Variants in KIF6 observed in about 807,000 individuals in gnomAD.
KIF6 encodes the protein kinesin-like protein KIF6.
A neutral mutation model predicts 112.7 loss-of-function variants in KIF6; 106 were observed. The ratio of observed to expected loss-of-function variants is 0.94; its 90% confidence interval spans 0.80 to 1.11. The LOEUF (loss-of-function observed/expected upper bound fraction) is 1.11. Ranked by LOEUF, KIF6 falls within the 50% of genes least tolerant of loss-of-function variation. KIF6 has a pLI of 0.00. For synonymous variants in KIF6, 339 were observed against 339.9 expected (o/e 1.00, Z 0.03); for missense variants, 929 against 964.0 (o/e 0.96, Z 0.48).
At chr6:39,465,150 A>C (rs946831624) in intron 13 of KIF6, among the ~76,000 whole-genome samples, 1 of 152,110 alleles carries the variant, frequency 6.6e-6, no homozygotes, top group Non-Finnish European at 1.5e-5. Context: ...GCGGGCGGGG[A>C]TATCATACCC....
chr6:39,648,729 G>A (rs1785307931), intron 3 of KIF6, among the ~76,000 whole-genome samples: 1 of 152,170 alleles, frequency 6.6e-6, no homozygotes, highest in South Asian at 2.1e-4. Flanking sequence ...CAGTCCATGC[G>A]AATGCCGGTG....
intron 15 of KIF6, among the ~76,000 whole-genome samples, chr6:39,393,668 A>G (rs1027908586): frequency 6.6e-6 from 1 of 152,200 alleles, no homozygotes; most frequent in Admixed American, 6.5e-5. Context: ...ATAATAACAA[A>G]GTGAAGATAA....
intron 10 of KIF6, among the ~76,000 whole-genome samples, chr6:39,571,290 C>T (rs1268543978): frequency 6.6e-6 from 1 of 152,070 alleles, no homozygotes; most frequent in Non-Finnish European, 1.5e-5. Context: ...AAGTCTCTTC[C>T]CTCATCCTCA....
chr6:39,418,703 G>C (rs1190399186), intron 15 of KIF6, among the ~76,000 whole-genome samples: 1 of 152,188 alleles, frequency 6.6e-6, no homozygotes, highest in Non-Finnish European at 1.5e-5. Flanking sequence ...GAGTGTGGCT[G>C]TTGGCTGTGT....
intron 13 of KIF6, among the ~76,000 whole-genome samples, chr6:39,504,237 CAG>C (rs1311983513): frequency 1.3e-5 from 2 of 152,112 alleles, no homozygotes; most frequent in African/African-American, 4.8e-5. Context: ...ATCAAATAAA[CAG>C]AACTAAAGAC....
chr6:39,388,873 A>G (rs184305134), intron 15 of KIF6, among the ~76,000 whole-genome samples: 12 of 152,314 alleles, frequency 7.9e-5, no homozygotes, highest in African/African-American at 2.6e-4. Flanking sequence ...GGAGCCCAGA[A>G]TGGGGCTGAA....
chr6:39,364,168 T>G (rs1397208829), intron 16 of KIF6, among the ~76,000 whole-genome samples: 2 of 151,932 alleles, frequency 1.3e-5, no homozygotes, highest in Non-Finnish European at 2.9e-5. Flanking sequence ...CTCCACTGAC[T>G]GCAACCTCTG....
intron 3 of KIF6, among the ~76,000 whole-genome samples, chr6:39,649,721 T>TAAAGAAAGAAAGAAAG (rs78847578): frequency 1.7e-5 from 1 of 59,400 alleles, no homozygotes; most frequent in South Asian, 6.6e-4. Flanking sequence ...ACACTCTGAT[T>TAAAGAAAGAAAGAAAG]AAAGAAAGAA....
chr6:39,429,971 C>T (rs758985425), intron 14 of KIF6, among the ~76,000 whole-genome samples: 30 of 152,248 alleles, frequency 2.0e-4, no homozygotes, highest in Non-Finnish European at 4.1e-4. Context: ...TCTTCTCACT[C>T]GCTCCTCCAT....
intron 5 of KIF6, among the ~76,000 whole-genome samples, chr6:39,633,121 G>A (rs1784442391): frequency 6.6e-6 from 1 of 151,816 alleles, no homozygotes; most frequent in Admixed American, 6.6e-5. Flanking sequence ...GTTTAGTAGT[G>A]TCTCTACTGC....
chr6:39,590,354 A>T (rs542074399), intron 7 of KIF6, among the ~76,000 whole-genome samples: 6 of 151,382 alleles, frequency 4.0e-5, no homozygotes, highest in Non-Finnish European at 7.4e-5. Context: ...TTTATTGACA[A>T]CTTAGAGAAC....
At chr6:39,523,042 G>A (rs750981034) in intron 13 of KIF6, among the ~76,000 whole-genome samples, 8 of 152,060 alleles carry the variant, frequency 5.3e-5, no homozygotes, top group African/African-American at 1.2e-4. Flanking sequence ...TTCCCATCTC[G>A]TGCTCATTCT....
At chr6:39,537,621 C>T (rs2150557299) in intron 13 of KIF6, among the ~76,000 whole-genome samples, 1 of 152,076 alleles carries the variant, frequency 6.6e-6, no homozygotes, top group East Asian at 1.9e-4. Context: ...GAATCAATAT[C>T]ATGAAAATGG....
intron 2 of KIF6, among the ~76,000 whole-genome samples, chr6:39,717,666 C>A (rs991915348): frequency 9.2e-5 from 14 of 152,228 alleles, no homozygotes; most frequent in Non-Finnish European, 2.1e-4. Flanking sequence ...TCCCTAAGAG[C>A]AGGAGCTTTG....
chr6:39,521,296 T>TCTA (rs1208511035), intron 13 of KIF6, among the ~76,000 whole-genome samples: 2 of 152,318 alleles, frequency 1.3e-5, no homozygotes, highest in East Asian at 3.9e-4. Flanking sequence ...TTGATCTAAT[T>TCTA]CTATTGCTCT....
intron 14 of KIF6, among the ~76,000 whole-genome samples, chr6:39,421,149 C>T (rs1770331535): frequency 6.6e-6 from 1 of 152,134 alleles, no homozygotes; most frequent in Admixed American, 6.5e-5. Context: ...TGTACCTTGG[C>T]GGGGCTAGTC....
chr6:39,530,718 G>A (rs1401246839), intron 13 of KIF6, among the ~76,000 whole-genome samples: 1 of 152,196 alleles, frequency 6.6e-6, no homozygotes, highest in African/African-American at 2.4e-5. Context: ...TCAAAGGGGA[G>A]ACAGTTTCAC....
At chr6:39,419,354 A>G (rs1770174822) in intron 15 of KIF6, among the ~76,000 whole-genome samples, 1 of 16,938 alleles carries the variant, frequency 5.9e-5, no homozygotes, top group African/African-American at 1.0e-4. Flanking sequence ...ACTCTGTCTC[A>G]AAAAAAAAAA....
chr6:39,613,640 C>T (rs926110499), intron 5 of KIF6, among the ~76,000 whole-genome samples: 1 of 152,166 alleles, frequency 6.6e-6, no homozygotes, highest in Admixed American at 6.6e-5. Flanking sequence ...TTTCTATCTG[C>T]ATATCAGGAA....
Sources: gnomAD v4.1 joint callset for allele counts (sites outside exome capture counted in the v4.1 genomes callset) on GRCh38, gnomAD v4.1.1 for gene constraint, MANE v1.5 for transcripts, NCBI Gene and HGNC (gene_info 2026-07-23, HGNC 2026-07-21) for gene names.